SLCO4C1: variants seen among roughly 807,000 people sequenced by gnomAD.
The protein encoded by SLCO4C1 is solute carrier organic anion transporter family member 4C1.
A neutral mutation model predicts 72.1 loss-of-function variants in SLCO4C1; 58 were observed. That is an observed-to-expected ratio of 0.80 (90% CI 0.65 to 1.00). SLCO4C1 has a LOEUF of 1.00. Ranked by LOEUF, SLCO4C1 falls within the 50% of genes least tolerant of loss-of-function variation. The probability of loss-of-function intolerance (pLI) is 0.00; values close to 1 mark genes in which losing one functional copy is unlikely to be tolerated. For synonymous variants in SLCO4C1, 297 were observed against 312.5 expected (o/e 0.95, Z 0.52); for missense variants, 898 against 857.9 (o/e 1.05, Z -0.58).
At chr5:102,238,513 T>C (rs190594316) in intron 12 of SLCO4C1, among the ~76,000 whole-genome samples, 64 of 152,246 alleles carry the variant, frequency 4.2e-4, no homozygotes, top group Admixed American at 1.5e-3. Context: ...TGGATTTACA[T>C]GCATGTAAGA....
chr5:102,254,021 A>G (rs549594947), intron 8 of SLCO4C1, among the ~76,000 whole-genome samples: 76 of 152,218 alleles, frequency 5.0e-4, no homozygotes, highest in African/African-American at 1.8e-3. Context: ...GGGACTTTCA[A>G]AGAACATATC....
At chr5:102,242,234 G>T (rs1012250991) in intron 10 of SLCO4C1, among the ~76,000 whole-genome samples, 6 of 152,224 alleles carry the variant, frequency 3.9e-5, no homozygotes, top group Admixed American at 1.3e-4. Flanking sequence ...CTACAGCACT[G>T]TGTCTCCAAG....
Position 102,286,141 on chromosome 5 carries a change from T to TA in SLCO4C1, c.619+5201dup, listed in dbSNP as rs900435564. ...TGAAGCATTCTCTCTCAAATGCCAA[T>TA]AAAAAAAAAATTAGAAATTTAGTGC... On this transcript the variant is annotated intron_variant, in intron 2 of 12. Coordinates refer to ENST00000310954, the MANE Select transcript of SLCO4C1 (RefSeq NM_180991.5). Among the ~76,000 whole-genome samples the TA allele has an allele frequency of 2.6e-4, 39 of 148,624 alleles. No homozygotes were observed. The East Asian group carries it at 3.3e-3, about 13-fold the overall frequency.
intron 3 of SLCO4C1, among the ~76,000 whole-genome samples, chr5:102,265,048 C>T (rs1355055467): frequency 6.6e-6 from 1 of 151,866 alleles, no homozygotes; most frequent in African/African-American, 2.4e-5. Flanking sequence ...AGCTTGATTC[C>T]ATCTCTTAGC....
chr5:102,250,443 C>A, intron 8 of SLCO4C1, among the ~76,000 whole-genome samples: 1 of 152,108 alleles, frequency 6.6e-6, no homozygotes, highest in East Asian at 1.9e-4. Flanking sequence ...TTCATTCAAA[C>A]AACATATATT....
intron 2 of SLCO4C1, among the ~76,000 whole-genome samples, chr5:102,273,315 T>C (rs1363234588): frequency 6.6e-6 from 1 of 152,142 alleles, no homozygotes; most frequent in Non-Finnish European, 1.5e-5. Flanking sequence ...TTTCTATAAT[T>C]AAAATTGATC....
chr5:102,247,784 C>T (rs1012472614), intron 9 of SLCO4C1, among the ~76,000 whole-genome samples: 8 of 152,102 alleles, frequency 5.3e-5, no homozygotes, highest in African/African-American at 1.9e-4. Context: ...AGTCATTTTA[C>T]ATCTCAACTC....
chr5:102,271,871 G>A (rs1297449212), intron 2 of SLCO4C1, among the ~76,000 whole-genome samples: 1 of 152,064 alleles, frequency 6.6e-6, no homozygotes, highest in East Asian at 1.9e-4. Flanking sequence ...ACATGGCTAT[G>A]TCTATGTAAT....
At chr5:102,242,369 C>A (rs1039954704) in intron 10 of SLCO4C1, among the ~76,000 whole-genome samples, 5 of 152,186 alleles carry the variant, frequency 3.3e-5, no homozygotes, top group Non-Finnish European at 7.3e-5. Flanking sequence ...CTGGGACAGA[C>A]AATGGAGTCC....
At chr5:102,264,530 T>C (rs1347227095) in intron 3 of SLCO4C1, among the ~76,000 whole-genome samples, 1 of 152,074 alleles carries the variant, frequency 6.6e-6, no homozygotes, top group Non-Finnish European at 1.5e-5. Context: ...AGAGTGTACA[T>C]GGTTATGTGT....
Position 102,257,193 on chromosome 5 carries a change from G to A in SLCO4C1, c.1391C>T (p.Ala464Val). The A allele has an allele frequency of 3.1e-6, 5 of 1,608,436 alleles. No individual in the cohort carries two copies. The highest frequency in any genetic ancestry group is 4.5e-5 in the East Asian group (2 of 44,422). The change falls in exon 8 of 13, where the codon GCA becomes GTA. Residue 464 changes from alanine to valine, a missense_variant. Coordinates refer to ENST00000310954, the MANE Select transcript of SLCO4C1 (RefSeq NM_180991.5). ...CATAAATACAAAACTCAGCGTAAGT[G>A]CAACTCCAGATGTGAACAGTGCAAA... ...MKFALFTSGV[A>V]LTLSFVFMYA... is the part of the protein sequence containing the mutation.
intron 1 of SLCO4C1, among the ~76,000 whole-genome samples, chr5:102,291,964 C>T (rs841926): frequency 1.3e-5 from 2 of 151,718 alleles, no homozygotes; most frequent in Non-Finnish European, 2.9e-5. Flanking sequence ...TGGGATTACA[C>T]GCATGCACCA....
intron 3 of SLCO4C1, among the ~76,000 whole-genome samples, chr5:102,266,313 C>T (rs533847030): frequency 6.6e-6 from 1 of 152,214 alleles, no homozygotes; most frequent in South Asian, 2.1e-4. Context: ...TGCCTAAGTG[C>T]TCTGAATAGG....
At chr5:102,263,827 A>G in intron 3 of SLCO4C1, 47 bp from the exon 4 acceptor site, 6 of 1,397,292 alleles carry the variant, frequency 4.3e-6, no homozygotes, top group Non-Finnish European at 6.0e-6. Context: ...GTACAACTTC[A>G]CTTTGCATAT....
At chr5:102,288,950 G>A (rs993621167) in intron 2 of SLCO4C1, among the ~76,000 whole-genome samples, 3 of 152,078 alleles carry the variant, frequency 2.0e-5, no homozygotes, top group Non-Finnish European at 1.5e-5. Flanking sequence ...AATCCAGATG[G>A]CATGGAACTG....
At chr5:102,291,129 G>T (rs1006011844) in intron 2 of SLCO4C1, among the ~76,000 whole-genome samples, 6 of 152,154 alleles carry the variant, frequency 3.9e-5, no homozygotes, top group Non-Finnish European at 8.8e-5. Flanking sequence ...AAGAATTAGA[G>T]GCTTAAAAAC....
intron 10 of SLCO4C1, among the ~76,000 whole-genome samples, chr5:102,243,765 G>T (rs1748588873): frequency 6.6e-6 from 1 of 152,148 alleles, no homozygotes. Flanking sequence ...AGACCAATCT[G>T]AGAAACAGAA....
intron 2 of SLCO4C1, among the ~76,000 whole-genome samples, chr5:102,289,829 C>T (rs946076575): frequency 1.3e-5 from 2 of 152,142 alleles, no homozygotes; most frequent in African/African-American, 2.4e-5. Context: ...TCCATTCATC[C>T]GCTTACATAT....
chr5:102,257,424 C>T, intron 7 of SLCO4C1, 114 bp from the exon 8 acceptor site: 1 of 759,922 alleles, frequency 1.3e-6, no homozygotes, highest in Admixed American at 3.7e-5. Context: ...TATATTTATT[C>T]ACCTGATATA....
Sources: gnomAD v4.1 joint callset for allele counts (sites outside exome capture counted in the v4.1 genomes callset) on GRCh38, gnomAD v4.1.1 for gene constraint, MANE v1.5 for transcripts, NCBI Gene and HGNC (gene_info 2026-07-23, HGNC 2026-07-21) for gene names.